Variants in NDUFA10 observed in about 807,000 individuals in gnomAD.
The protein encoded by NDUFA10 is NADH:ubiquinone oxidoreductase subunit A10.
Under a neutral mutation model 47.8 loss-of-function variants are expected in NDUFA10, and 40 were observed. The observed-to-expected ratio is 0.84, with a 90% confidence interval of 0.65 to 1.09. NDUFA10 has a LOEUF of 1.09. NDUFA10 is among the 50% of genes least tolerant of loss of function. NDUFA10 has a pLI of 0.00. For missense variants in NDUFA10, 413 were observed against 451.1 expected (o/e 0.92, Z 0.76); for synonymous variants, 183 against 172.2 (o/e 1.06, Z -0.49).
chr2:240,004,224 T>C (rs1041709729), intron 8 of NDUFA10, among the ~76,000 whole-genome samples: 4 of 152,038 alleles, frequency 2.6e-5, no homozygotes, highest in Admixed American at 2.0e-4. Flanking sequence ...GGGAGCAGCA[T>C]GAAGACAGAC....
At chr2:240,014,513 C>T (rs907823648) in intron 5 of NDUFA10, 9 of 605,772 alleles carry the variant, frequency 1.5e-5, no homozygotes, top group African/African-American at 5.5e-5. Context: ...ACAGTGGGAC[C>T]GCAGAGCACT....
chr2:239,967,979 T>TATACACAC (rs373936883), intron 9 of NDUFA10, among the ~76,000 whole-genome samples: 20 of 147,474 alleles, frequency 1.4e-4, no homozygotes, highest in African/African-American at 4.8e-4. Flanking sequence ...GAAAAAAATA[T>TATACACAC]ACACACACAC....
chr2:239,986,496 A>G (rs1696007698), intron 9 of NDUFA10, among the ~76,000 whole-genome samples: 1 of 152,246 alleles, frequency 6.6e-6, no homozygotes, highest in Non-Finnish European at 1.5e-5. Context: ...TTGCACTGGA[A>G]CTGAAGACAC....
chr2:240,014,996 G>T, intron 4 of NDUFA10, 136 bp from the exon 5 acceptor site: 1 of 1,314,864 alleles, frequency 7.6e-7, no homozygotes. Flanking sequence ...CCCTATCTCG[G>T]TCACAGTTCT....
intron 9 of NDUFA10, among the ~76,000 whole-genome samples, chr2:239,980,045 C>T (rs564805266): frequency 2.0e-5 from 3 of 152,280 alleles, no homozygotes; most frequent in Admixed American, 1.3e-4. Context: ...CAGTCCCCTG[C>T]GTCAGGTGCC....
intron 4 of NDUFA10, among the ~76,000 whole-genome samples, chr2:239,910,691 C>T: frequency 6.6e-6 from 1 of 152,004 alleles, no homozygotes; most frequent in Non-Finnish European, 1.5e-5. Flanking sequence ...AACCCACACG[C>T]CCCGCACCTG....
At chr2:239,988,926 C>T (rs1264686801) in intron 9 of NDUFA10, among the ~76,000 whole-genome samples, 1 of 150,924 alleles carries the variant, frequency 6.6e-6, no homozygotes, top group Non-Finnish European at 1.5e-5. Context: ...CACACGTGTA[C>T]AAGGACAGAA....
chr2:239,988,358 T>C (rs1319277650), intron 9 of NDUFA10, among the ~76,000 whole-genome samples: 1 of 152,196 alleles, frequency 6.6e-6, no homozygotes, highest in Non-Finnish European at 1.5e-5. Flanking sequence ...GGTACGCATC[T>C]AATCATACGG....
chr2:240,004,483 C>A (rs769904704), intron 8 of NDUFA10, among the ~76,000 whole-genome samples: 2 of 147,592 alleles, frequency 1.4e-5, no homozygotes, highest in Admixed American at 6.6e-5. Context: ...CGCACCAAGA[C>A]CTATCCGCCT....
At chr2:239,914,174 G>A (rs1219845919) in intron 4 of NDUFA10, among the ~76,000 whole-genome samples, 1 of 146,910 alleles carries the variant, frequency 6.8e-6, no homozygotes, top group South Asian at 2.2e-4. Flanking sequence ...CACACACACA[G>A]AACACACACA....
chr2:239,949,461 GAA>G (rs2106383133), intron 4 of NDUFA10, among the ~76,000 whole-genome samples: 1 of 152,322 alleles, frequency 6.6e-6, no homozygotes, highest in African/African-American at 2.4e-5. Context: ...TGGGGGTCTG[GAA>G]AGAACAGAAA....
Position 239,896,760 on chromosome 2 carries a change from G to A in NDUFA10, c.295-1446C>T, listed in dbSNP as rs544782757. ...GTTACGTGGGGAAAATGCCCGATCC[G>A]TGAAAGATGCAGACCAAGTCATCTG... is the stretch of plus-strand genomic sequence containing the variant. On this transcript the variant is annotated intron_variant, in intron 4 of 5. Transcript: ENST00000419408. Among the ~76,000 whole-genome samples, 9 of 152,312 alleles carry A rather than the reference G, an allele frequency of 5.9e-5. No individual in the cohort carries two copies. The South Asian group carries it at 1.5e-3, about 25-fold the overall frequency.
rs576688879 is a variant in NDUFA10 at position 239,962,700 on chromosome 2, T to G, written c.1000-1514A>C. 2.0e-4 allele frequency among the ~76,000 whole-genome samples: 31 copies of G among 152,228 alleles called. 1 individual carries two copies. Among genetic ancestry groups the G allele is most frequent in the Admixed American group, 2.0e-3 (30 of 15,294 alleles). ...CTAATTGGCTCATGGTTCTGCAGGC[T>G]GTGTGGGAAGCATGGTGCCAGCATC... is the stretch of plus-strand genomic sequence containing the variant. On this transcript the variant is annotated intron_variant, in intron 9 of 9. Coordinates refer to ENST00000252711, the MANE Select transcript of NDUFA10 (RefSeq NM_004544.4).
intron 9 of NDUFA10, among the ~76,000 whole-genome samples, chr2:239,974,960 C>A (rs1466041499): frequency 1.8e-5 from 1 of 56,644 alleles, no homozygotes; most frequent in Non-Finnish European, 3.6e-5. Context: ...ACATGTGACA[C>A]TCCTCCGCCA....
At chr2:240,002,983 G>A (rs149216393) in intron 8 of NDUFA10, among the ~76,000 whole-genome samples, 3 of 152,148 alleles carry the variant, frequency 2.0e-5, no homozygotes, top group African/African-American at 7.2e-5. Context: ...CCAAGTAGCT[G>A]AAACTATAGG....
At chr2:239,956,924 C>CA (rs572611644), downstream of NDUFA10, among the ~76,000 whole-genome samples, 348 of 152,324 alleles carry the variant, frequency 2.3e-3, no homozygotes, top group Middle Eastern at 0.01. Context: ...TGTCGACAGT[C>CA]ACTGCAGGTC....
chr2:239,957,694 A>G lies in NDUFA10; in HGVS notation c.*3424T>C, dbSNP rs1030831731. The G allele has an allele frequency of 6.6e-6, 1 of 152,252 alleles. No individual in the cohort carries two copies. The highest frequency in any genetic ancestry group is 1.5e-5 in the Non-Finnish European group (1 of 68,054). 9.4% of individuals were successfully genotyped at this position (152,252 alleles called of 1,614,324 possible). On this transcript the variant is annotated 3_prime_UTR_variant, in exon 10 of 10. Transcript: ENST00000252711. Reference sequence around the variant, plus strand: ...GCAGCCAGCGTGAGCCAGGGGACAGACACTTTCAGTGGAACATTTATGGCT... The same window carrying G: ...GCAGCCAGCGTGAGCCAGGGGACAGGCACTTTCAGTGGAACATTTATGGCT...
At chr2:239,954,813 G>GA (rs1421382738), downstream of NDUFA10, among the ~76,000 whole-genome samples, 2 of 71,290 alleles carry the variant, frequency 2.8e-5, no homozygotes, top group African/African-American at 1.9e-4. Context: ...TCCCCCAAGT[G>GA]GGTTGGCAGG....
chr2:239,892,588 C>T (rs1287651593), exon 6 of NDUFA10: 1 of 152,148 alleles, frequency 6.6e-6, no homozygotes, highest in South Asian at 2.1e-4. Context: ...GACAGCCTTA[C>T]GTACCAGGGC....
Sources: gnomAD v4.1 joint callset for allele counts (sites outside exome capture counted in the v4.1 genomes callset) on GRCh38, gnomAD v4.1.1 for gene constraint, MANE v1.5 for transcripts, NCBI Gene and HGNC (gene_info 2026-07-23, HGNC 2026-07-21) for gene names.